Variants in RBMS2 observed in about 807,000 individuals in gnomAD.
The protein encoded by RBMS2 is RNA-binding motif, single-stranded-interacting protein 2.
A neutral mutation model predicts 58.4 loss-of-function variants in RBMS2; 38 were observed. The observed-to-expected ratio is 0.65, with a 90% CI of 0.50 to 0.85. The LOEUF is 0.85. Among genes scored for constraint, RBMS2 ranks in the 40% least tolerant of loss-of-function variants. The probability of loss-of-function intolerance (pLI) is 0.00; values close to 1 mark genes in which losing one functional copy is unlikely to be tolerated. For missense variants in RBMS2, 367 were observed against 503.7 expected, an observed-to-expected ratio of 0.73 and a Z score of 2.60; for synonymous variants, 151 against 180.7, an observed-to-expected ratio of 0.84 and a Z score of 1.32.
intron 1 of RBMS2, among the ~76,000 whole-genome samples, chr12:56,559,403 G>C (rs1019727710): frequency 2.6e-5 from 4 of 151,046 alleles, no homozygotes; most frequent in African/African-American, 9.7e-5. Context: ...AGCCAGGATG[G>C]TCTCCATCTC....
rs1004266712 is a variant in RBMS2, at chr12:56,562,398, T to C, written c.67-19T>C. On this transcript the variant is annotated intron_variant, in intron 1 of 13. Transcript: ENST00000262031. ...GTAAATGGATAATCCTTCTACCTCT[T>C]CCTCATGTCTCCCTGCAGCCATATG... is the stretch of plus-strand genomic sequence containing the variant. 6.3e-7 allele frequency: 1 copy of C among 1,587,074 alleles called. No individual in the cohort carries two copies.
At position 56,589,576 on chromosome 12, in the gene RBMS2, G is replaced by A. The variant is rs1885154646; in HGVS notation, c.*443G>A. On this transcript the variant is annotated 3_prime_UTR_variant, in exon 14 of 14. Transcript: ENST00000262031. Reference sequence around the variant, plus strand: ...ACAAACCAAAACAGAACAGAAAGGTGTGGTGCTGGAACATCGATGAAGGAG... The same window carrying A: ...ACAAACCAAAACAGAACAGAAAGGTATGGTGCTGGAACATCGATGAAGGAG... The A allele has an allele frequency of 5.0e-6, 1 of 198,702 alleles. No homozygotes were observed. Among genetic ancestry groups the A allele is most frequent in the African/African-American group, 2.4e-5 (1 of 41,996 alleles). 12.3% of individuals were successfully genotyped at this position (198,702 alleles called of 1,614,324 possible).
chr12:56,535,639 C>G (rs1266493339), intron 1 of RBMS2, among the ~76,000 whole-genome samples: 2 of 152,076 alleles, frequency 1.3e-5, no homozygotes, highest in African/African-American at 2.4e-5. Context: ...ACACCTGACA[C>G]CTCCATTTAG....
chr12:56,585,636 A>G (rs1281674302), intron 9 of RBMS2, among the ~76,000 whole-genome samples: 1 of 152,208 alleles, frequency 6.6e-6, no homozygotes, highest in African/African-American at 2.4e-5. Context: ...CCAGTTATCA[A>G]TTGGTCATCA....
chr12:56,543,008 C>A (rs1196857405), intron 1 of RBMS2, among the ~76,000 whole-genome samples: 2 of 151,978 alleles, frequency 1.3e-5, no homozygotes, highest in Non-Finnish European at 2.9e-5. Flanking sequence ...TGGGTTCAAG[C>A]AATTCTCCTG....
chr12:56,560,409 A>C (rs1386788088), intron 1 of RBMS2, among the ~76,000 whole-genome samples: 1 of 151,770 alleles, frequency 6.6e-6, no homozygotes, highest in Non-Finnish European at 1.5e-5. Flanking sequence ...GGTGCATGCC[A>C]CCACACCTGG....
rs188490700 is a variant in RBMS2 at position 56,547,978 on chromosome 12, G to A, written c.67-14439G>A. ...ATTCTGCTACTTTTCTAGATTGTAA[G>A]CTCTAGTTTGTGAACTTGTTAGTGA... On this transcript the variant is annotated intron_variant, in intron 1 of 13. Transcript: ENST00000262031. Among the ~76,000 whole-genome samples the A allele has an allele frequency of 1.4e-3, 206 of 152,010 alleles. 1 individual carries two copies. The highest frequency in any genetic ancestry group is 1.1e-3 in the Non-Finnish European group (76 of 67,962).
At chr12:56,557,228 C>A (rs1879393648) in intron 1 of RBMS2, among the ~76,000 whole-genome samples, 1 of 152,140 alleles carries the variant, frequency 6.6e-6, no homozygotes, top group South Asian at 2.1e-4. Flanking sequence ...ATACGTATTA[C>A]CCTTTTCTCT....
chr12:56,562,665 C>T lies in RBMS2; in HGVS notation c.233+82C>T, dbSNP rs531507025. 1.8e-5 allele frequency: 26 copies of T among 1,445,464 alleles called. No individual in the cohort carries two copies. In the South Asian group the frequency reaches 3.3e-4, roughly 18 times the overall value. The allele number at this position is 1,445,464 out of a possible 1,614,324, so 89.5% of individuals were successfully genotyped here. ...ACAGGGTCTCGTTATGTTGTCCAGG[C>T]TAGTCTTGAACTCCTGGGCTCAAGT... On this transcript the variant is annotated intron_variant, in intron 2 of 13. Transcript: ENST00000262031.
intron 1 of RBMS2, among the ~76,000 whole-genome samples, chr12:56,532,785 C>A (rs1592328287): frequency 1.3e-5 from 2 of 152,048 alleles, no homozygotes; most frequent in Admixed American, 1.3e-4. Flanking sequence ...AGAGGAACAC[C>A]TGTAAGAGGT....
chr12:56,575,124 G>C (rs1252455183), intron 5 of RBMS2, among the ~76,000 whole-genome samples: 1 of 151,692 alleles, frequency 6.6e-6, no homozygotes, highest in East Asian at 1.9e-4. Context: ...GCTTCAGCCT[G>C]GGCGACATGC....
intron 5 of RBMS2, among the ~76,000 whole-genome samples, chr12:56,573,620 T>C (rs1882691891): frequency 6.6e-6 from 1 of 152,038 alleles, no homozygotes; most frequent in South Asian, 2.1e-4. Flanking sequence ...CCATCGAACT[T>C]ATTTTGCAGG....
chr12:56,588,857 G>A, intron 12 of RBMS2, 75 bp from the exon 13 acceptor site: 1 of 1,442,372 alleles, frequency 6.9e-7, no homozygotes, highest in Non-Finnish European at 9.7e-7. Context: ...TGTAGGGTGG[G>A]CTTTGGTCAG....
chr12:56,595,608 G>A lies in RBMS2; in HGVS notation c.*6475G>A, dbSNP rs1885706612. On this transcript the variant is annotated 3_prime_UTR_variant, in exon 14 of 14. Transcript: ENST00000262031. ...ATAAAACACAAAAGTCTACGTCTTG[G>A]TGTCTTATCCGTGAGTGGGAAGTGG... 1 of 151,386 alleles carries A rather than the reference G, an allele frequency of 6.6e-6. No homozygotes were observed. The highest frequency in any genetic ancestry group is 2.4e-5 in the African/African-American group (1 of 41,114). The allele number at this position is 151,386 out of a possible 1,614,324, so 9.4% of individuals were successfully genotyped here. A position where few individuals can be genotyped will look rare whatever the true frequency, so the allele number is the denominator to read the frequency against.
chr12:56,589,735 T>C lies in RBMS2; in HGVS notation c.*602T>C, dbSNP rs964255604. ...CCCCATCTCCTCTTCACCCATATTA[T>C]GCCTTCTTTCTCTTGTCCAGATTCT... On this transcript the variant is annotated 3_prime_UTR_variant, in exon 14 of 14. Coordinates refer to ENST00000262031, the MANE Select transcript of RBMS2 (RefSeq NM_002898.4). 1.3e-5 allele frequency: 2 copies of C among 152,858 alleles called. No homozygotes were observed. The highest frequency in any genetic ancestry group is 4.8e-5 in the African/African-American group (2 of 41,462). The allele number at this position is 152,858 out of a possible 1,614,324, so 9.5% of individuals were successfully genotyped here.
chr12:56,586,404 A>C (rs541983016), intron 9 of RBMS2, among the ~76,000 whole-genome samples: 11 of 152,100 alleles, frequency 7.2e-5, no homozygotes, highest in Non-Finnish European at 1.6e-4. Context: ...TGGGCAACAG[A>C]GCAAGACTCT....
Position 56,584,822 on chromosome 12 carries a change from CT to C in RBMS2, c.874-2009del, listed in dbSNP as rs373639334. Among the ~76,000 whole-genome samples, 489 of 129,982 alleles carry C rather than the reference CT, an allele frequency of 3.8e-3. 2 individuals are homozygous for C. Among genetic ancestry groups the C allele is most frequent in the South Asian group, 0.019 (80 of 4,122 alleles). The allele number at this position is 129,982 out of a possible 152,430, so 85.3% of individuals were successfully genotyped here. A position where few individuals can be genotyped will look rare whatever the true frequency, so the allele number is the denominator to read the frequency against. ...AATAAATAACTTTTGAACTTCTTGT[CT>C]TTTTTTTTTTTTTTTTTGTGACCGA... On this transcript the variant is annotated intron_variant, in intron 9 of 13. Transcript: ENST00000262031.
At chr12:56,521,369 C>T (rs1871696434), upstream of RBMS2, among the ~76,000 whole-genome samples, 1 of 148,204 alleles carries the variant, frequency 6.7e-6, no homozygotes, top group African/African-American at 2.5e-5. Flanking sequence ...TTGCAGTGAG[C>T]CGGATCCGGG....
chr12:56,543,509 A>G (rs926154472), intron 1 of RBMS2, among the ~76,000 whole-genome samples: 1 of 140,478 alleles, frequency 7.1e-6, no homozygotes, highest in Admixed American at 7.3e-5. Flanking sequence ...ACTGAGAGTC[A>G]CCTTTTTTTT....
Sources: allele counts gnomAD v4.1 joint callset (sites outside exome capture counted in the v4.1 genomes callset), GRCh38; gene constraint gnomAD v4.1.1; transcripts MANE v1.5; gene names NCBI Gene and HGNC (gene_info 2026-07-23, HGNC 2026-07-21).